DOCK7: variants seen among roughly 807,000 people sequenced by gnomAD.
DOCK7 encodes the protein dedicator of cytokinesis protein 7.
Under a neutral mutation model 271.0 loss-of-function variants are expected in DOCK7, and 138 were observed. The observed-to-expected ratio is 0.51, with a 90% CI of 0.44 to 0.59. The LOEUF (loss-of-function observed/expected upper bound fraction) is 0.59. Among genes scored for constraint, DOCK7 ranks in the 20% least tolerant of loss-of-function variants. The pLI is 0.00. For synonymous variants in DOCK7, 823 were observed against 876.1 expected (o/e 0.94, Z 1.07); for missense variants, 2,066 against 2,592.4 (o/e 0.80, Z 4.41).
At chr1:62,473,360 T>C (rs1645884200) in intron 48 of DOCK7, among the ~76,000 whole-genome samples, 1 of 152,134 alleles carries the variant, frequency 6.6e-6, no homozygotes, top group African/African-American at 2.4e-5. Context: ...ACTCAAATAC[T>C]GAAGATTCAC....
intron 37 of DOCK7, among the ~76,000 whole-genome samples, chr1:62,504,237 T>C (rs1646876391): frequency 6.6e-6 from 1 of 152,022 alleles, no homozygotes; most frequent in African/African-American, 2.4e-5. Context: ...AGGAAAAATA[T>C]AACACATGAA....
chr1:62,495,403 G>A (rs1314907272), intron 39 of DOCK7, 178 bp downstream of exon 39: 3 of 391,298 alleles, frequency 7.7e-6, no homozygotes, highest in Non-Finnish European at 1.3e-5. Context: ...ACCAGCCTGG[G>A]CAATATGGTA....
chr1:62,567,536 G>A (rs1646560830), intron 18 of DOCK7, among the ~76,000 whole-genome samples: 1 of 151,914 alleles, frequency 6.6e-6, no homozygotes. Flanking sequence ...ATCACACACT[G>A]GGGCCTGTTG....
At chr1:62,479,592 T>C (rs1646060404) in intron 43 of DOCK7, 1 of 160,588 alleles carries the variant, frequency 6.2e-6, no homozygotes, top group African/African-American at 2.4e-5. Context: ...AAAAAGAACC[T>C]AAGAAAATTA....
intron 8 of DOCK7, 21 bp downstream of exon 8, chr1:62,636,515 TG>T: frequency 6.4e-7 from 1 of 1,554,900 alleles, no homozygotes. Context: ...CAAATAACTA[TG>T]GTCAAATTAT....
chr1:62,597,993 G>T, intron 14 of DOCK7: 1 of 1,567,644 alleles, frequency 6.4e-7, no homozygotes, highest in South Asian at 1.2e-5. Context: ...ATATTTAGAA[G>T]AGCAACTAAC....
At chr1:62,493,810 C>T (rs1359387386) in intron 40 of DOCK7, among the ~76,000 whole-genome samples, 2 of 152,166 alleles carry the variant, frequency 1.3e-5, no homozygotes, top group African/African-American at 4.8e-5. Context: ...GAGAATTCAA[C>T]TAGTGGGTCA....
chr1:62,510,714 C>T, intron 33 of DOCK7, 41 bp from the exon 34 acceptor site: 1 of 1,479,918 alleles, frequency 6.8e-7, no homozygotes, highest in Non-Finnish European at 9.4e-7. Flanking sequence ...AATGTTATTT[C>T]AGTTGGACCA....
At chr1:62,680,269 C>A (rs1318091634) in intron 1 of DOCK7, among the ~76,000 whole-genome samples, 1 of 152,054 alleles carries the variant, frequency 6.6e-6, no homozygotes, top group African/African-American at 2.4e-5. Flanking sequence ...ACAAACCTGA[C>A]AAAAACAAGA....
At chr1:62,514,215 A>C (rs977809505) in intron 31 of DOCK7, among the ~76,000 whole-genome samples, 1 of 152,164 alleles carries the variant, frequency 6.6e-6, no homozygotes, top group Admixed American at 6.5e-5. Context: ...AAAAACTAAA[A>C]GATATATATC....
At position 62,492,741 on chromosome 1, in the gene DOCK7, A is replaced by T. The variant is rs767633972; in HGVS notation, c.5324T>A (p.Val1775Glu). ...SGKYFTESGL[V>E]GLLEQAAASF... is the part of the protein sequence containing the mutation. ...AGCAGCTGCTTGTTCCAGTAATCCC[A>T]CAAGTCCTGACTCAGTAAAGTATTT... The change falls in exon 41 of 50, where the codon GTG becomes GAG. Residue 1775 changes from valine to glutamate, a missense_variant. This residue lies in a region of DOCK7 where 652 missense variants were observed against 922.1 expected (regional missense o/e 0.71). Transcript: ENST00000635253. 1 of 1,614,128 alleles carries T rather than the reference A, an allele frequency of 6.2e-7. No homozygotes were observed. The highest frequency in any genetic ancestry group is 8.5e-7 in the Non-Finnish European group (1 of 1,179,996).
intron 10 of DOCK7, among the ~76,000 whole-genome samples, chr1:62,632,375 A>G (rs2149626304): frequency 6.6e-6 from 1 of 152,334 alleles, no homozygotes; most frequent in Middle Eastern, 3.4e-3. Flanking sequence ...CAACCTGGGG[A>G]CAGCCAGAAT....
At chr1:62,540,698 T>G (rs1189729470) in intron 25 of DOCK7, among the ~76,000 whole-genome samples, 1 of 152,166 alleles carries the variant, frequency 6.6e-6, no homozygotes, top group Non-Finnish European at 1.5e-5. Flanking sequence ...ACTGTGGTAA[T>G]GGTAACAAAG....
chr1:62,556,068 A>G (rs1051629329), intron 20 of DOCK7, 79 bp from the exon 21 acceptor site: 1 of 1,403,242 alleles, frequency 7.1e-7, no homozygotes, highest in Middle Eastern at 2.1e-4. Context: ...ACATTTTGTC[A>G]TCTTTGCATA....
intron 14 of DOCK7, among the ~76,000 whole-genome samples, chr1:62,607,529 A>G (rs1035655162): frequency 6.6e-6 from 1 of 151,974 alleles, no homozygotes; most frequent in Non-Finnish European, 1.5e-5. Context: ...TTTCCTCCTA[A>G]TTTTACGTCC....
At chr1:62,678,508 A>C (rs1660766301) in intron 1 of DOCK7, among the ~76,000 whole-genome samples, 1 of 152,214 alleles carries the variant, frequency 6.6e-6, no homozygotes, top group Admixed American at 6.5e-5. Flanking sequence ...ACCTAAATAA[A>C]TGGAGAAATA....
chr1:62,651,739 T>TA (rs1193845208), intron 4 of DOCK7, among the ~76,000 whole-genome samples: 4 of 152,214 alleles, frequency 2.6e-5, no homozygotes, highest in African/African-American at 9.6e-5. Flanking sequence ...TCTTTACACT[T>TA]ACAGATCTTA....
intron 49 of DOCK7, among the ~76,000 whole-genome samples, chr1:62,455,951 A>G (rs993220280): frequency 1.2e-4 from 19 of 152,366 alleles, no homozygotes; most frequent in Middle Eastern, 3.4e-3. Flanking sequence ...AAGTTACTAT[A>G]AAATAACCCA....
At chr1:62,553,151 C>G (rs796182161) in intron 21 of DOCK7, among the ~76,000 whole-genome samples, 7 of 146,480 alleles carry the variant, frequency 4.8e-5, no homozygotes, top group African/African-American at 1.8e-4. Flanking sequence ...TCTCCTGCCT[C>G]AGCCTCCCGA....
Sources: allele counts gnomAD v4.1 joint callset (sites outside exome capture counted in the v4.1 genomes callset), GRCh38; gene constraint gnomAD v4.1.1; regional missense constraint gnomAD v4.1.1; transcripts MANE v1.5; gene names NCBI Gene and HGNC (gene_info 2026-07-23, HGNC 2026-07-21).